Variants in DHX57 observed in about 807,000 individuals in gnomAD.
The protein encoded by DHX57 is DExH-box helicase 57.
DHX57 carries 105 observed loss-of-function variants against 156.2 expected under a neutral mutation model. The observed-to-expected ratio is 0.67, with a 90% CI of 0.57 to 0.79. The LOEUF (loss-of-function observed/expected upper bound fraction) is 0.79, where lower values mean the gene tolerates loss of function less well. DHX57 is among the 30% of genes least tolerant of loss of function. DHX57 has a pLI of 0.00. For missense variants in DHX57, 1,847 were observed against 1,661.9 expected (o/e 1.11, Z -1.94); for synonymous variants, 704 against 595.6 (o/e 1.18, Z -2.65).
At chr2:38,843,286 G>T (rs931509215) in intron 11 of DHX57, 76 bp from the exon 12 acceptor site, 3 of 1,476,332 alleles carry the variant, frequency 2.0e-6, no homozygotes, top group African/African-American at 2.8e-5. Context: ...CCTGTTTCAC[G>T]TGCTCGTTCA....
At chr2:38,807,261 G>T (rs1221484612) in intron 21 of DHX57, among the ~76,000 whole-genome samples, 1 of 152,068 alleles carries the variant, frequency 6.6e-6, no homozygotes, top group Non-Finnish European at 1.5e-5. Flanking sequence ...CACCATGTTG[G>T]CAAGGCTGGT....
At chr2:38,831,161 C>G (rs758955571) in intron 13 of DHX57, among the ~76,000 whole-genome samples, 10 of 151,588 alleles carry the variant, frequency 6.6e-5, no homozygotes, top group African/African-American at 2.4e-4. Flanking sequence ...AACGATGAAA[C>G]ATACTATTAT....
intron 16 of DHX57, among the ~76,000 whole-genome samples, chr2:38,825,636 C>A (rs1011108262): frequency 1.3e-5 from 2 of 152,010 alleles, no homozygotes; most frequent in African/African-American, 4.8e-5. Context: ...GTTTTAGGGC[C>A]ATGCTCTGCA....
chr2:38,830,261 T>A (rs546043235), intron 13 of DHX57, among the ~76,000 whole-genome samples: 5 of 152,288 alleles, frequency 3.3e-5, no homozygotes, highest in East Asian at 1.9e-4. Context: ...TATAGCATTT[T>A]AAAAAATACC....
intron 21 of DHX57, 111 bp downstream of exon 21, chr2:38,813,710 C>T: frequency 7.9e-7 from 1 of 1,269,640 alleles, no homozygotes; most frequent in South Asian, 1.2e-5. Flanking sequence ...TGCGTGTGTG[C>T]ACACATGCGT....
At chr2:38,815,955 G>T in intron 19 of DHX57, 1 of 415,434 alleles carries the variant, frequency 2.4e-6, no homozygotes, top group Non-Finnish European at 4.6e-6. Flanking sequence ...TTTTGGGTAG[G>T]CCTGATTTTC....
At chr2:38,854,015 C>G in intron 9 of DHX57, 39 bp downstream of exon 9, 1 of 1,559,874 alleles carries the variant, frequency 6.4e-7, no homozygotes, top group Non-Finnish European at 8.7e-7. Context: ...GCCTTCAATT[C>G]AGGTGAGTGT....
intron 22 of DHX57, among the ~76,000 whole-genome samples, chr2:38,805,251 G>C (rs895112987): frequency 1.3e-5 from 2 of 152,204 alleles, no homozygotes; most frequent in African/African-American, 4.8e-5. Flanking sequence ...ACTCCTCTAA[G>C]CTTAAGGAAA....
intron 22 of DHX57, chr2:38,803,132 A>G (rs777899203): frequency 7.1e-5 from 39 of 550,640 alleles, no homozygotes; most frequent in Non-Finnish European, 1.1e-4. Flanking sequence ...TTAAAAAAAA[A>G]AAAGCTTTTA....
At chr2:38,841,840 A>C (rs980453402) in intron 12 of DHX57, among the ~76,000 whole-genome samples, 5 of 152,216 alleles carry the variant, frequency 3.3e-5, no homozygotes, top group African/African-American at 1.2e-4. Context: ...AGCCAGCTAG[A>C]GTCTGGCATG....
chr2:38,826,536 A>C lies in DHX57; in HGVS notation c.2793T>G (p.Ser931=). The C allele has an allele frequency of 6.2e-7, 1 of 1,613,950 alleles. No individual in the cohort carries two copies. The highest frequency in any genetic ancestry group is 1.3e-5 in the African/African-American group (1 of 75,030). The change falls in exon 15 of 24, where the codon TCT becomes TCG. Residue 931 remains serine, a synonymous_variant. Coordinates refer to ENST00000457308, the MANE Select transcript of DHX57 (RefSeq NM_198963.3). ...AATACCTCTTTTCTTTCATTTTCCC[A>C]GAATCGATAACATAGACAACATCAT... ...TIDDVVYVID[S]GKMKEKRYDA...
chr2:38,838,833 CCTCACAATCTCCCCA>C, intron 12 of DHX57: 1 of 453,086 alleles, frequency 2.2e-6, no homozygotes, highest in Non-Finnish European at 4.4e-6. Flanking sequence ...ACTCATAGAC[CCTCACAATCTCCCCA>C]CTCACAATCT....
At chr2:38,839,489 A>C (rs1260995476) in intron 12 of DHX57, among the ~76,000 whole-genome samples, 1 of 151,184 alleles carries the variant, frequency 6.6e-6, no homozygotes, top group East Asian at 2.0e-4. Flanking sequence ...AGATGGGTGG[A>C]TCACCTGAGG....
At chr2:38,832,674 T>C (rs927037093) in intron 13 of DHX57, among the ~76,000 whole-genome samples, 50 of 151,638 alleles carry the variant, frequency 3.3e-4, no homozygotes, top group African/African-American at 1.1e-3. Flanking sequence ...GCCTCCCAAG[T>C]AGCTGGGATT....
chr2:38,846,801 T>C (rs1260819817), intron 11 of DHX57, among the ~76,000 whole-genome samples: 1 of 151,852 alleles, frequency 6.6e-6, no homozygotes, highest in Non-Finnish European at 1.5e-5. Context: ...CATGTATTAG[T>C]ATTCTGGCAC....
intron 17 of DHX57, among the ~76,000 whole-genome samples, chr2:38,821,762 A>G (rs1383798029): frequency 1.3e-5 from 2 of 152,174 alleles, no homozygotes; most frequent in African/African-American, 4.8e-5. Flanking sequence ...CTTTAGCTAG[A>G]CTGACCAAGA....
chr2:38,821,585 C>G (rs765797953), intron 17 of DHX57, among the ~76,000 whole-genome samples: 1 of 151,798 alleles, frequency 6.6e-6, no homozygotes, highest in Admixed American at 6.6e-5. Flanking sequence ...CCCAGCTACT[C>G]GGGAGGCTGA....
At chr2:38,840,412 G>C (rs1671924795) in intron 12 of DHX57, among the ~76,000 whole-genome samples, 1 of 144,604 alleles carries the variant, frequency 6.9e-6, no homozygotes, top group Admixed American at 6.9e-5. Context: ...ATGGAGTCTT[G>C]CTCTGTTGCC....
At chr2:38,819,906 T>G (rs1332332195) in intron 17 of DHX57, among the ~76,000 whole-genome samples, 3 of 152,242 alleles carry the variant, frequency 2.0e-5, no homozygotes, top group Non-Finnish European at 4.4e-5. Context: ...TTACAAGTCT[T>G]CCTTTTCCCT....
Sources: gnomAD v4.1 joint callset for allele counts (sites outside exome capture counted in the v4.1 genomes callset) on GRCh38, gnomAD v4.1.1 for gene constraint, MANE v1.5 for transcripts, NCBI Gene and HGNC (gene_info 2026-07-23, HGNC 2026-07-21) for gene names.